Variants in SMIM24 observed in about 807,000 individuals in gnomAD.
SMIM24 encodes the protein small integral membrane protein 24.
SMIM24 carries 6 observed loss-of-function variants against 10.8 expected under a neutral mutation model. The ratio of observed to expected loss-of-function variants is 0.55; its 90% CI spans 0.30 to 1.09. The LOEUF is 1.09. SMIM24 is among the 50% of genes least tolerant of loss of function. The probability of loss-of-function intolerance (pLI) is 0.06; values close to 1 mark genes in which losing one functional copy is unlikely to be tolerated. For synonymous variants in SMIM24, 71 were observed against 62.4 expected, an observed-to-expected ratio of 1.14 and a Z score of -0.65; for missense variants, 151 against 153.4, an observed-to-expected ratio of 0.98 and a Z score of 0.08.
intron 1 of SMIM24, among the ~76,000 whole-genome samples, chr19:3,480,056 G>A (rs998318628): frequency 4.6e-5 from 7 of 151,318 alleles, no homozygotes; most frequent in Non-Finnish European, 1.0e-4. Context: ...GAGAAGGAGC[G>A]GTTCACAAAA....
chr19:3,478,729 G>C, intron 2 of SMIM24, 89 bp downstream of exon 2: 1 of 1,093,724 alleles, frequency 9.1e-7, no homozygotes, highest in Non-Finnish European at 1.3e-6. Flanking sequence ...TTCGGACTTT[G>C]AGGCTGGTGA....
rs2082814165 is a variant in SMIM24 at position 3,480,421 on chromosome 19, G to A, written c.43C>T (p.Leu15Phe). ...GALLVLEFLL[L>F]SPVEAQQATE... is the part of the protein sequence containing the mutation. ...CCCTGCTGGGCCTCCACCGGGGAGA[G>A]GAGCAGAAACTCCAGCACCAGAAGG... Residue 15 changes from leucine to phenylalanine, a missense_variant, in exon 1 of 4, where the codon CTC (leucine) becomes TTC (phenylalanine). Transcript: ENST00000215531. The A allele has an allele frequency of 9.7e-6, 15 of 1,549,030 alleles. No homozygotes were observed. Among genetic ancestry groups the A allele is most frequent in the Non-Finnish European group, 1.2e-5 (14 of 1,146,382 alleles).
intron 3 of SMIM24, among the ~76,000 whole-genome samples, chr19:3,475,775 G>C (rs2082789818): frequency 6.6e-6 from 1 of 151,758 alleles, no homozygotes; most frequent in East Asian, 1.9e-4. Context: ...TGACTGAGTT[G>C]GCGAATGAAT....
intron 3 of SMIM24, among the ~76,000 whole-genome samples, chr19:3,475,945 T>A (rs558648344): frequency 6.6e-6 from 1 of 151,620 alleles, no homozygotes; most frequent in Admixed American, 6.6e-5. Context: ...GTTACATGAA[T>A]GGACTGCTGC....
At chr19:3,478,585 G>T in intron 2 of SMIM24, 107 bp from the exon 3 acceptor site, 1 of 1,126,016 alleles carries the variant, frequency 8.9e-7, no homozygotes, top group Non-Finnish European at 1.2e-6. Context: ...CCTCCCAGCC[G>T]GGGCTCATGA....
rs1389331494 is a variant in SMIM24 at position 3,478,894 on chromosome 19, G to A, written c.103C>T (p.Leu35=). 1 of 1,550,006 alleles carries A rather than the reference G, an allele frequency of 6.5e-7. No individual in the cohort carries two copies. Among genetic ancestry groups the A allele is most frequent in the Non-Finnish European group, 8.7e-7 (1 of 1,146,798 alleles). Residue 35 remains leucine (L), a synonymous_variant, in exon 2 of 4, where the codon CTG becomes TTG. Transcript: ENST00000215531. ...AACAGGAAGCCGACTACCGCAGCCAGGCCCACCAGCCACGGCTTCAGGCGA... is the reference window on the plus strand; with the variant it reads ...AACAGGAAGCCGACTACCGCAGCCAAGCCCACCAGCCACGGCTTCAGGCGA... The part of the protein sequence containing the change: ...EHRLKPWLVG[L]AAVVGFLFIV...
At chr19:3,476,536 C>G (rs970526191) in intron 3 of SMIM24, among the ~76,000 whole-genome samples, 2 of 151,372 alleles carry the variant, frequency 1.3e-5, no homozygotes, top group African/African-American at 4.9e-5. Flanking sequence ...CAGGTGGGAT[C>G]CAGATCCCCC....
At chr19:3,476,608 A>C (rs1049787370) in intron 3 of SMIM24, among the ~76,000 whole-genome samples, 1 of 152,098 alleles carries the variant, frequency 6.6e-6, no homozygotes, top group African/African-American at 2.4e-5. Flanking sequence ...AGACAAAGCC[A>C]CCACTCAGGT....
intron 3 of SMIM24, among the ~76,000 whole-genome samples, chr19:3,476,716 G>T (rs984076614): frequency 3.9e-5 from 6 of 152,036 alleles, no homozygotes; most frequent in African/African-American, 1.4e-4. Context: ...CCAAGCCTTT[G>T]CCCAAGACAG....
intron 1 of SMIM24, 149 bp from the exon 2 acceptor site, chr19:3,479,078 T>G: frequency 2.5e-5 from 10 of 393,062 alleles, no homozygotes; most frequent in African/African-American, 2.9e-5. Context: ...GAGACCTGGA[T>G]GGCGTAGGGG....
At chr19:3,475,452 G>A (rs10415247) in intron 3 of SMIM24, among the ~76,000 whole-genome samples, 47,994 of 151,930 alleles carry the variant, frequency 0.32, 8,452 homozygotes, top group East Asian at 0.69. Context: ...ATAGTGGGTG[G>A]GTGGATGGAT....
intron 2 of SMIM24, 124 bp from the exon 3 acceptor site, chr19:3,478,602 G>A: frequency 2.0e-6 from 2 of 1,020,528 alleles, no homozygotes; most frequent in Non-Finnish European, 2.8e-6. Context: ...ATGAACCCCA[G>A]GACGCAAGGA....
chr19:3,478,422 T>G lies in SMIM24; in HGVS notation c.236A>C (p.Gln79Pro). ...CCAGCATCCGCACGCATAGTACCTC[T>G]GGTCCTGGTATAGGTTGGACTCCAT... ...FRMESNLYQD[Q>P]SEDKREKKEA... Residue 79 changes from glutamine (Q) to proline (P), a missense_variant, in exon 3 of 4, where the codon CAG becomes CCG. By Grantham distance (76) the Gln-to-Pro change is moderately conservative (BLOSUM62 -1). Transcript: ENST00000215531. The G allele has an allele frequency of 6.5e-7, 1 of 1,548,998 alleles. No individual in the cohort carries two copies.
At chr19:3,477,969 G>T (rs953248852) in intron 3 of SMIM24, among the ~76,000 whole-genome samples, 3 of 152,018 alleles carry the variant, frequency 2.0e-5, no homozygotes, top group Non-Finnish European at 4.4e-5. Flanking sequence ...ACTGAGTCCA[G>T]GTGGGTCGCC....
At chr19:3,476,880 ATGGGTGGATGGGTGGG>A (rs2082794160) in intron 3 of SMIM24, among the ~76,000 whole-genome samples, 2 of 110,388 alleles carry the variant, frequency 1.8e-5, no homozygotes, top group African/African-American at 3.6e-5. Flanking sequence ...GGATGGATGG[ATGGGTGGATGGGTGGG>A]TGGGTGGATG....
chr19:3,479,985 A>G (rs1329372763), intron 1 of SMIM24, among the ~76,000 whole-genome samples: 1 of 138,788 alleles, frequency 7.2e-6, no homozygotes, highest in African/African-American at 2.7e-5. Flanking sequence ...GGAGGAGCCC[A>G]GAGGGGAGGG....
Position 3,478,862 on chromosome 19 carries a change from G to A in SMIM24, c.135C>T (p.Val45=). 6.5e-7 allele frequency: 1 copy of A among 1,549,964 alleles called. No individual in the cohort carries two copies. The highest frequency in any genetic ancestry group is 8.7e-7 in the Non-Finnish European group (1 of 1,146,772). Residue 45 remains valine (V), a synonymous_variant, in exon 2 of 4, where the codon GTC becomes GTT. Transcript: ENST00000215531. ...GGCGGTTGGCCAGCAAGACCAAATA[G>A]ACGATGAACAGGAAGCCGACTACCG... ...LAAVVGFLFI[V]YLVLLANRLW...
chr19:3,480,447 GC>G lies in SMIM24; in HGVS notation c.16del (p.Ala6ProfsTer23). 2 of 1,549,278 alleles carry G rather than the reference GC, an allele frequency of 1.3e-6. No individual in the cohort carries two copies. The highest frequency in any genetic ancestry group is 2.0e-5 in the Admixed American group (1 of 50,926). On this transcript the variant is annotated frameshift_variant, in exon 1 of 4. Coordinates refer to ENST00000215531, the MANE Select transcript of SMIM24 (RefSeq NM_001136503.2). LOFTEE classifies it high-confidence loss of function. METLG[A>X]LLVLEFLLLS... ...GAGCAGAAACTCCAGCACCAGAAGG[GC>G]CCCCAGGGTCTCCATGACGGTCGAG...
chr19:3,479,022 T>C (rs2082805401), intron 1 of SMIM24, 93 bp from the exon 2 acceptor site: 1 of 978,196 alleles, frequency 1.0e-6, no homozygotes. Flanking sequence ...AGAAGGTCAC[T>C]GGGGGTGCTC....
Sources: gnomAD v4.1 joint callset for allele counts (sites outside exome capture counted in the v4.1 genomes callset) on GRCh38, gnomAD v4.1.1 for gene constraint, MANE v1.5 for transcripts, NCBI Gene and HGNC (gene_info 2026-07-23, HGNC 2026-07-21) for gene names.